LRRC7: variants seen among roughly 807,000 people sequenced by gnomAD.
LRRC7 encodes leucine rich repeat containing 7, also known as leucine-rich repeat-containing protein 7.
In LRRC7, 23 loss-of-function variants were observed where a neutral mutation model predicts 175.7. The observed-to-expected ratio is 0.13, with a 90% CI of 0.09 to 0.19. LRRC7 has a LOEUF of 0.19. Among genes scored for constraint, LRRC7 ranks in the 10% least tolerant of loss-of-function variants. LRRC7 has a pLI of 1.00. For missense variants in LRRC7, 1,354 were observed against 1,904.7 expected, an observed-to-expected ratio of 0.71 and a Z score of 5.38; for synonymous variants, 685 against 680.9, an observed-to-expected ratio of 1.01 and a Z score of -0.09.
rs560240698 is a variant in LRRC7, at chr1:69,749,975, C to T, written c.101-10216C>T. Among the ~76,000 whole-genome samples the T allele has an allele frequency of 5.3e-5, 8 of 151,856 alleles. No individual in the cohort carries two copies. In the South Asian group the frequency reaches 6.2e-4, roughly 12 times the overall value. On this transcript the variant is annotated intron_variant, in intron 2 of 26. Transcript: ENST00000651989. ...ATTCGGGAGGCTGAGGCAGGGGAAT[C>T]GCTTGAACCCGGGAGGTGGAGGTTG...
intron 16 of LRRC7, among the ~76,000 whole-genome samples, chr1:70,022,059 A>G (rs1258143395): frequency 2.0e-5 from 3 of 152,160 alleles, no homozygotes; most frequent in Non-Finnish European, 4.4e-5. Context: ...AAATCAGCAC[A>G]TGAGCACTTA....
At chr1:69,877,494 T>C (rs574549128) in intron 7 of LRRC7, among the ~76,000 whole-genome samples, 1 of 152,158 alleles carries the variant, frequency 6.6e-6, no homozygotes, top group Non-Finnish European at 1.5e-5. Flanking sequence ...AAAACCAGTT[T>C]TATTGAGGTG....
chr1:69,717,749 T>C lies in LRRC7; in HGVS notation c.100+39271T>C, dbSNP rs558923240. The stretch of plus-strand genomic sequence containing the variant: ...CTAGAAGGCCATAATTTAAAAGATA[T>C]TGGAACATGAAAAAAAGAAAAAAAG... On this transcript the variant is annotated intron_variant, in intron 2 of 26. Transcript: ENST00000651989. Among the ~76,000 whole-genome samples the C allele has an allele frequency of 6.5e-4, 72 of 110,616 alleles. 1 individual carries two copies. The highest frequency in any genetic ancestry group is 5.3e-4 in the Admixed American group (5 of 9,378). 72.6% of individuals were successfully genotyped at this position (110,616 alleles called of 152,430 possible). A position where few individuals can be genotyped will look rare whatever the true frequency, so the allele number is the denominator to read the frequency against.
Position 69,852,932 on chromosome 1 carries a change from C to T in LRRC7, c.647+14649C>T, listed in dbSNP as rs149003675. 1.1e-3 allele frequency among the ~76,000 whole-genome samples: 162 copies of T among 152,240 alleles called. 1 individual carries two copies. The highest frequency in any genetic ancestry group is 5.5e-3 in the Admixed American group (84 of 15,264). On this transcript the variant is annotated intron_variant, in intron 7 of 26. Coordinates refer to ENST00000651989, the MANE Select transcript of LRRC7 (RefSeq NM_001370785.2). ...CAAATATTGTTGCCTGGTGAGCAAA[C>T]TGTGTAAAACACTTTGTATCAGAAT...
rs35373978 is a variant in LRRC7, at chr1:69,834,834, C to T, written c.555C>T (p.Asp185=). 1.2e-3 allele frequency: 1,965 copies of T among 1,613,102 alleles called. 18 individuals are homozygous for T. The African/African-American group carries it at 0.013, about 11-fold the overall frequency. Residue 185 remains aspartate, a synonymous_variant, in exon 6 of 27, where the codon GAC becomes GAT. Coordinates refer to ENST00000651989, the MANE Select transcript of LRRC7 (RefSeq NM_001370785.2). ...LLNLTQLYLN[D]AFLEFLPANF... ...ACCTGACCCAGCTCTACCTGAATGA[C>T]GCCTTTCTTGAATTTCTTCCAGCCA... is the stretch of plus-strand genomic sequence containing the variant.
chr1:69,850,304 A>C (rs971096729), intron 7 of LRRC7, among the ~76,000 whole-genome samples: 39 of 152,062 alleles, frequency 2.6e-4, no homozygotes, highest in African/African-American at 8.2e-4. Flanking sequence ...TGCCCAGTGC[A>C]AGGTGAAGGA....
chr1:69,854,926 G>A (rs1683419484), intron 7 of LRRC7, among the ~76,000 whole-genome samples: 2 of 152,040 alleles, frequency 1.3e-5, no homozygotes. Flanking sequence ...GCTTTAGAGT[G>A]CAGCAAACAT....
rs576624666 is a variant in LRRC7 at position 69,807,170 on chromosome 1, AT to A, written c.421+15014del. Among the ~76,000 whole-genome samples, 306 of 151,944 alleles carry A rather than the reference AT, an allele frequency of 2.0e-3. 2 individuals carry two copies. The highest frequency in any genetic ancestry group is 7.0e-3 in the African/African-American group (289 of 41,454). On this transcript the variant is annotated intron_variant, in intron 4 of 26. Coordinates refer to ENST00000651989, the MANE Select transcript of LRRC7 (RefSeq NM_001370785.2). ...TTGTTAAATAGTCCTCCATCTCTTT[AT>A]TTTGAGCTTATGTGTGTCTTTGCAC...
intron 24 of LRRC7, among the ~76,000 whole-genome samples, chr1:70,085,459 G>A (rs1371374425): frequency 1.3e-5 from 2 of 152,172 alleles, no homozygotes; most frequent in East Asian, 1.9e-4. Context: ...ATTTATTTTT[G>A]GAGTCTCTAT....
intron 2 of LRRC7, among the ~76,000 whole-genome samples, chr1:69,747,713 G>A (rs1669407473): frequency 6.6e-6 from 1 of 151,964 alleles, no homozygotes; most frequent in Admixed American, 6.6e-5. Context: ...ATTACAACAT[G>A]AATCAGGATA....
chr1:69,731,077 G>C (rs553868758), intron 2 of LRRC7, among the ~76,000 whole-genome samples: 2 of 151,986 alleles, frequency 1.3e-5, no homozygotes, highest in African/African-American at 4.8e-5. Flanking sequence ...TGAGGTGGGC[G>C]GATCATGAAG....
chr1:69,664,741 C>T (rs903792719), intron 1 of LRRC7, among the ~76,000 whole-genome samples: 1 of 152,110 alleles, frequency 6.6e-6, no homozygotes, highest in African/African-American at 2.4e-5. Context: ...ATATCTTCTC[C>T]AATTCTGTGG....
intron 2 of LRRC7, among the ~76,000 whole-genome samples, chr1:69,699,053 G>A (rs997490439): frequency 3.3e-5 from 5 of 151,862 alleles, no homozygotes; most frequent in African/African-American, 7.3e-5. Flanking sequence ...TAGGGTACAC[G>A]TGCACAACGT....
chr1:69,620,810 T>C (rs1289559909), intron 1 of LRRC7, among the ~76,000 whole-genome samples: 1 of 152,214 alleles, frequency 6.6e-6, no homozygotes, highest in Non-Finnish European at 1.5e-5. Flanking sequence ...GTAAATGCAC[T>C]TTGTTGAACC....
intron 8 of LRRC7, among the ~76,000 whole-genome samples, chr1:69,975,610 A>G (rs1269500938): frequency 6.6e-6 from 1 of 152,158 alleles, no homozygotes. Flanking sequence ...CTCTCAAACT[A>G]CTTCAATATG....
chr1:69,813,309 T>C (rs1678178678), intron 4 of LRRC7, among the ~76,000 whole-genome samples: 1 of 152,140 alleles, frequency 6.6e-6, no homozygotes, highest in Non-Finnish European at 1.5e-5. Flanking sequence ...CTCTAAGTAG[T>C]GCTGAAAGGA....
rs539778808 is a variant in LRRC7, at chr1:69,812,440, T to G, written c.422-13308T>G. 8.5e-5 allele frequency among the ~76,000 whole-genome samples: 13 copies of G among 152,264 alleles called. No homozygotes were observed. The South Asian group carries it at 2.7e-3, about 32-fold the overall frequency. ...CAGATGGAATAAAGTGCTTATTACA[T>G]TCTCTCTTTCTCTAAGAATAGAAAG... On this transcript the variant is annotated intron_variant, in intron 4 of 26. Coordinates refer to ENST00000651989, the MANE Select transcript of LRRC7 (RefSeq NM_001370785.2).
intron 8 of LRRC7, among the ~76,000 whole-genome samples, chr1:69,977,989 C>A (rs566930241): frequency 1.3e-5 from 2 of 151,880 alleles, no homozygotes; most frequent in African/African-American, 4.8e-5. Context: ...GCCCAGTGGG[C>A]AGCCCGTTTG....
At chr1:69,807,571 G>A (rs2101122821) in intron 4 of LRRC7, among the ~76,000 whole-genome samples, 1 of 152,156 alleles carries the variant, frequency 6.6e-6, no homozygotes, top group Middle Eastern at 3.4e-3. Context: ...AGTTTGGCTG[G>A]ACATGAAATT....
Sources: gnomAD v4.1 joint callset for allele counts (sites outside exome capture counted in the v4.1 genomes callset) on GRCh38, gnomAD v4.1.1 for gene constraint, MANE v1.5 for transcripts, NCBI Gene and HGNC (gene_info 2026-07-23, HGNC 2026-07-21) for gene names.